LDB2: variants seen among roughly 807,000 people sequenced by gnomAD.
LDB2 encodes LIM domain-binding protein 2.
In LDB2, 12 loss-of-function variants were observed where a neutral mutation model predicts 44.3. That is an observed-to-expected ratio of 0.27 (90% CI 0.17 to 0.44). The LOEUF (loss-of-function observed/expected upper bound fraction) is 0.44. Ranked by LOEUF, LDB2 falls within the 20% of genes least tolerant of loss-of-function variation. The pLI, the probability that LDB2 is intolerant of heterozygous loss-of-function variation, is 1.00. For synonymous variants in LDB2, 164 were observed against 174.8 expected (o/e 0.94, Z 0.49); for missense variants, 344 against 473.5 (o/e 0.73, Z 2.54).
chr4:16,805,341 T>A (rs1385983909), intron 1 of LDB2, among the ~76,000 whole-genome samples: 3 of 152,238 alleles, frequency 2.0e-5, no homozygotes, highest in African/African-American at 7.2e-5. Context: ...CATTTCTATA[T>A]CAGCAAGTGT....
At chr4:16,752,932 G>A (rs1324316253) in intron 2 of LDB2, among the ~76,000 whole-genome samples, 1 of 152,082 alleles carries the variant, frequency 6.6e-6, no homozygotes, top group East Asian at 1.9e-4. Context: ...ATTACTTTAT[G>A]GAAGACCAAG....
chr4:16,734,715 T>C (rs1368517196), intron 2 of LDB2, among the ~76,000 whole-genome samples: 1 of 148,454 alleles, frequency 6.7e-6, no homozygotes, highest in African/African-American at 2.5e-5. Flanking sequence ...TTTTTTTTTT[T>C]TTTTTTTTTT....
intron 2 of LDB2, chr4:16,674,412 A>G (rs1162031529): frequency 6.0e-6 from 3 of 498,974 alleles, no homozygotes; most frequent in Non-Finnish European, 7.4e-6. Flanking sequence ...CAGCTCTCTC[A>G]GTGATAATTC....
intron 5 of LDB2, among the ~76,000 whole-genome samples, chr4:16,577,902 A>G (rs1015461437): frequency 2.0e-5 from 3 of 152,216 alleles, no homozygotes; most frequent in Admixed American, 6.5e-5. Flanking sequence ...GAACATACAA[A>G]TAAATCCATA....
chr4:16,535,275 A>G (rs527500040), intron 5 of LDB2, among the ~76,000 whole-genome samples: 15 of 152,270 alleles, frequency 9.9e-5, no homozygotes, highest in African/African-American at 3.6e-4. Flanking sequence ...TAGGGGTAGG[A>G]AGACATGCGT....
At chr4:16,545,291 C>A (rs542234674) in intron 5 of LDB2, among the ~76,000 whole-genome samples, 1 of 152,022 alleles carries the variant, frequency 6.6e-6, no homozygotes, top group Non-Finnish European at 1.5e-5. Context: ...ATTTCTGGTG[C>A]TCTTCACAGA....
intron 5 of LDB2, among the ~76,000 whole-genome samples, chr4:16,569,218 A>G (rs570910156): frequency 6.6e-6 from 1 of 152,210 alleles, no homozygotes; most frequent in African/African-American, 2.4e-5. Flanking sequence ...TAAGGCTACA[A>G]ATACTTTCGA....
intron 5 of LDB2, among the ~76,000 whole-genome samples, chr4:16,536,732 G>T (rs372004918): frequency 6.6e-6 from 1 of 152,312 alleles, no homozygotes; most frequent in African/African-American, 2.4e-5. Context: ...GGGAGTGTCA[G>T]GGCTGCTGAA....
intron 1 of LDB2, among the ~76,000 whole-genome samples, chr4:16,845,539 A>G (rs1270311464): frequency 6.6e-6 from 1 of 152,214 alleles, no homozygotes; most frequent in Non-Finnish European, 1.5e-5. Context: ...TATTTATCAT[A>G]TGGGCTACTA....
intron 2 of LDB2, among the ~76,000 whole-genome samples, chr4:16,641,366 A>AG (rs1344674983): frequency 2.0e-5 from 3 of 152,184 alleles, no homozygotes; most frequent in African/African-American, 4.8e-5. Flanking sequence ...GTGAGAGCTC[A>AG]GGGGCACGGT....
chr4:16,618,043 T>C (rs1281556296), intron 2 of LDB2, among the ~76,000 whole-genome samples: 1 of 152,184 alleles, frequency 6.6e-6, no homozygotes, highest in East Asian at 1.9e-4. Flanking sequence ...TCCTCCAGGG[T>C]GCCTTCTCTG....
At chr4:16,807,582 A>G (rs1015859533) in intron 1 of LDB2, among the ~76,000 whole-genome samples, 1 of 152,218 alleles carries the variant, frequency 6.6e-6, no homozygotes, top group African/African-American at 2.4e-5. Flanking sequence ...GAATCACAAA[A>G]GATCATTGGC....
rs112753834 is a variant in LDB2 at position 16,794,285 on chromosome 4, G to A, written c.133-35025C>T. ...GAAGGTGCCTTAGTTGACAGGAGGTGGAAGTCAGGGGGTATCTTGGCTAAG... is the reference window on the plus strand; with the variant it reads ...GAAGGTGCCTTAGTTGACAGGAGGTAGAAGTCAGGGGGTATCTTGGCTAAG... On this transcript the variant is annotated intron_variant, in intron 1 of 7. Coordinates refer to ENST00000304523, the MANE Select transcript of LDB2 (RefSeq NM_001290.5). Among the ~76,000 whole-genome samples, 411 of 152,236 alleles carry A rather than the reference G, an allele frequency of 2.7e-3. 3 individuals carry two copies. Among genetic ancestry groups the A allele is most frequent in the African/African-American group, 9.1e-3 (376 of 41,540 alleles).
chr4:16,557,649 C>CTTTTT (rs1740251066), intron 5 of LDB2, among the ~76,000 whole-genome samples: 1 of 152,194 alleles, frequency 6.6e-6, no homozygotes, highest in African/African-American at 2.4e-5. Context: ...CACAGACAAA[C>CTTTTT]AAAAAGACAG....
chr4:16,680,153 G>A lies in LDB2; in HGVS notation c.235+79005C>T, dbSNP rs555758771. On this transcript the variant is annotated intron_variant, in intron 2 of 7. Transcript: ENST00000304523. ...AGAGATGATCTCTCTCTGTCATGCC[G>A]GGATACAGCAAGAAGGCATCCTTCT... Among the ~76,000 whole-genome samples the A allele has an allele frequency of 1.4e-4, 21 of 152,222 alleles. No individual in the cohort carries two copies. In the South Asian group the frequency reaches 1.5e-3, roughly 11 times the overall value.
chr4:16,743,713 C>A (rs1327017970), intron 2 of LDB2, among the ~76,000 whole-genome samples: 9 of 151,890 alleles, frequency 5.9e-5, no homozygotes, highest in Non-Finnish European at 1.2e-4. Flanking sequence ...GAAAAAAAAA[C>A]CCAGAAACCT....
At chr4:16,884,698 T>G (rs890320995) in intron 1 of LDB2, among the ~76,000 whole-genome samples, 1 of 152,230 alleles carries the variant, frequency 6.6e-6, no homozygotes, top group Admixed American at 6.5e-5. Context: ...TCTTCGTCTC[T>G]AGACTAGTAA....
intron 2 of LDB2, among the ~76,000 whole-genome samples, chr4:16,739,573 GAA>G (rs577466407): frequency 0.019 from 729 of 37,662 alleles, 108 homozygotes; most frequent in African/African-American, 0.039. Flanking sequence ...GTGACAGAGG[GAA>G]AAAAAAAAAA....
At chr4:16,504,708 A>G (rs1718664162) in intron 7 of LDB2, among the ~76,000 whole-genome samples, 2 of 152,238 alleles carry the variant, frequency 1.3e-5, no homozygotes, top group Non-Finnish European at 2.9e-5. Flanking sequence ...AATGGTATTC[A>G]GTTAGCTGGG....
Sources: gnomAD v4.1 joint callset for allele counts (sites outside exome capture counted in the v4.1 genomes callset) on GRCh38, gnomAD v4.1.1 for gene constraint, MANE v1.5 for transcripts, NCBI Gene and HGNC (gene_info 2026-07-23, HGNC 2026-07-21) for gene names.